Variants in ADCY3 observed in about 807,000 individuals in gnomAD.
ADCY3 encodes adenylate cyclase type 3.
In ADCY3, 70 loss-of-function variants were observed where a neutral mutation model predicts 119.4. That is an observed-to-expected ratio of 0.59 (90% CI 0.48 to 0.72). The LOEUF is 0.72. ADCY3 is among the 30% of genes least tolerant of loss of function. The probability of loss-of-function intolerance (pLI) is 0.00; values close to 1 mark genes in which losing one functional copy is unlikely to be tolerated. For missense variants in ADCY3, 1,238 were observed against 1,541.6 expected, an observed-to-expected ratio of 0.80 and a Z score of 3.30; for synonymous variants, 672 against 621.4, an observed-to-expected ratio of 1.08 and a Z score of -1.21.
At chr2:24,910,627 T>C (rs1300944961) in intron 2 of ADCY3, among the ~76,000 whole-genome samples, 1 of 152,006 alleles carries the variant, frequency 6.6e-6, no homozygotes, top group Non-Finnish European at 1.5e-5. Context: ...CACTTTATGC[T>C]AAATGCAATT....
At chr2:24,853,033 T>G (rs941335624) in intron 3 of ADCY3, among the ~76,000 whole-genome samples, 5 of 135,468 alleles carry the variant, frequency 3.7e-5, no homozygotes, top group South Asian at 2.5e-4. Context: ...TGTGTGTGTG[T>G]GTGTGTGTGT....
At chr2:24,894,995 CT>C (rs367997299) in intron 2 of ADCY3, among the ~76,000 whole-genome samples, 24 of 151,746 alleles carry the variant, frequency 1.6e-4, no homozygotes, top group African/African-American at 4.4e-4. Flanking sequence ...TGTCGTGTGT[CT>C]TTTTTTTCCT....
intron 2 of ADCY3, among the ~76,000 whole-genome samples, chr2:24,907,267 G>A (rs74645677): frequency 0.027 from 4,100 of 150,820 alleles, 163 homozygotes; most frequent in African/African-American, 0.091. Flanking sequence ...TCCACTACCA[G>A]ATCTGACTCA....
chr2:24,856,028 G>A (rs1672953448), intron 3 of ADCY3, among the ~76,000 whole-genome samples: 2 of 152,226 alleles, frequency 1.3e-5, no homozygotes, highest in South Asian at 4.1e-4. Flanking sequence ...GCATTCAGGA[G>A]TTAATTACAG....
At chr2:24,822,310 G>C (rs555425918) in intron 19 of ADCY3, 44 of 668,392 alleles carry the variant, frequency 6.6e-5, no homozygotes, top group Non-Finnish European at 9.8e-5. Context: ...GAACAGCAGG[G>C]GGTTGTGTGT....
intron 17 of ADCY3, among the ~76,000 whole-genome samples, chr2:24,823,942 G>A (rs911112568): frequency 6.6e-6 from 1 of 152,170 alleles, no homozygotes; most frequent in African/African-American, 2.4e-5. Context: ...TGATCCACCC[G>A]CCTCGGCCTC....
chr2:24,867,578 C>G lies in ADCY3; in HGVS notation c.825+4992G>C, dbSNP rs1344838. ...TATAAATTACCCAGTTTCAGGTATT[C>G]TGTTGTAGCAGCACAAAACGGATGA... is the stretch of plus-strand genomic sequence containing the variant. On this transcript the variant is annotated intron_variant, in intron 3 of 21. Transcript: ENST00000679454. Among the ~76,000 whole-genome samples, 1,377 of 152,274 alleles carry G rather than the reference C, an allele frequency of 9.0e-3. 14 individuals carry two copies. Among genetic ancestry groups the G allele is most frequent in the African/African-American group, 0.031 (1,270 of 41,540 alleles).
In ADCY3 at chr2:24,899,204, C is replaced by T. The variant is rs913454479; in HGVS notation, c.675+19109G>A. On this transcript the variant is annotated intron_variant, in intron 2 of 21. Transcript: ENST00000679454. This position sits in a 1 kb window ranked among gnomAD's most constrained non-coding sequence, Gnocchi z 4.5. ...AGGCCCAGGGAGGTCAGCTGCGCTGCCCAGGGCCCCAGGCATCCAACTCTG... is the reference window on the plus strand; with the variant it reads ...AGGCCCAGGGAGGTCAGCTGCGCTGTCCAGGGCCCCAGGCATCCAACTCTG... Among the ~76,000 whole-genome samples, 1 of 152,214 alleles carries T rather than the reference C, an allele frequency of 6.6e-6. No homozygotes were observed. The highest frequency in any genetic ancestry group is 6.5e-5 in the Admixed American group (1 of 15,288).
At chr2:24,900,490 A>G (rs1678780704) in intron 2 of ADCY3, among the ~76,000 whole-genome samples, 1 of 152,136 alleles carries the variant, frequency 6.6e-6, no homozygotes, top group African/African-American at 2.4e-5. Flanking sequence ...CAGAATTTCT[A>G]CCTGCAGTGT....
intron 2 of ADCY3, among the ~76,000 whole-genome samples, chr2:24,913,948 G>A (rs908335981): frequency 4.6e-5 from 7 of 152,070 alleles, no homozygotes; most frequent in African/African-American, 1.7e-4. Flanking sequence ...AATGCTAAAG[G>A]CACGCCCCGC....
intron 3 of ADCY3, among the ~76,000 whole-genome samples, chr2:24,860,394 G>A (rs1376384006): frequency 3.3e-5 from 5 of 152,224 alleles, no homozygotes; most frequent in East Asian, 1.9e-4. Flanking sequence ...TGGCGGCCCC[G>A]CACCACAGGG....
chr2:24,859,754 C>T (rs750654707), intron 3 of ADCY3, among the ~76,000 whole-genome samples: 2 of 152,144 alleles, frequency 1.3e-5, no homozygotes, highest in African/African-American at 4.8e-5. Context: ...AACAGGTGAC[C>T]CTGCACGTGG....
chr2:24,918,195 C>G lies in ADCY3; in HGVS notation c.675+118G>C. 1 of 1,158,094 alleles carries G rather than the reference C, an allele frequency of 8.6e-7. No individual in the cohort carries two copies. Among genetic ancestry groups the G allele is most frequent in the Non-Finnish European group, 1.2e-6 (1 of 823,276 alleles). 71.7% of individuals were successfully genotyped at this position (1,158,094 alleles called of 1,614,324 possible). A position where few individuals can be genotyped will look rare whatever the true frequency, so the allele number is the denominator to read the frequency against. ...GGACTAGGGAGAGAGGTGAGAGCCC[C>G]GGAGGCCCCCAGGACACATTTTGAC... On this transcript the variant is annotated intron_variant, in intron 2 of 21. Transcript: ENST00000679454. This position sits in a 1 kb window ranked among gnomAD's most constrained non-coding sequence, Gnocchi z 5.4.
Position 24,878,845 on chromosome 2 carries a change from C to T in ADCY3, c.676-6126G>A, listed in dbSNP as rs1022959668. 6.6e-6 allele frequency among the ~76,000 whole-genome samples: 1 copy of T among 152,192 alleles called. No homozygotes were observed. The highest frequency in any genetic ancestry group is 1.9e-4 in the East Asian group (1 of 5,180). ...ACCCCTCAGAGGCCTTCCCTGCCCA[C>T]CCCTACTCATTCTCCAGTCCTGCTT... On this transcript the variant is annotated intron_variant, in intron 2 of 21. Transcript: ENST00000679454. The surrounding 1 kb of genome is among the most constrained non-coding windows in gnomAD (Gnocchi z 4.0).
chr2:24,849,489 T>C (rs1672044658), intron 3 of ADCY3, among the ~76,000 whole-genome samples: 1 of 152,202 alleles, frequency 6.6e-6, no homozygotes, highest in South Asian at 2.1e-4. Flanking sequence ...TCCATTTTTT[T>C]CCCTTATATA....
intron 3 of ADCY3, among the ~76,000 whole-genome samples, chr2:24,851,937 G>A (rs896823454): frequency 5.9e-5 from 9 of 152,168 alleles, no homozygotes; most frequent in African/African-American, 2.2e-4. Flanking sequence ...TCAGAGAGAT[G>A]GATTGGAGAC....
rs776921702 is a variant in ADCY3, at chr2:24,834,476, C to T, written c.1967+9G>A. ...GGAAACTCGTGGCCCTCCCCGGCCC[C>T]TCCCTCACCAGGGGTCGATGAGTAT... On this transcript the variant is annotated intron_variant, in intron 11 of 21. Coordinates refer to ENST00000679454, the MANE Select transcript of ADCY3 (RefSeq NM_004036.5). The surrounding 1 kb of genome is among the most constrained non-coding windows in gnomAD (Gnocchi z 4.2). The T allele has an allele frequency of 1.3e-6, 2 of 1,595,798 alleles. No homozygotes were observed. Among genetic ancestry groups the T allele is most frequent in the African/African-American group, 2.7e-5 (2 of 74,562 alleles).
At chr2:24,822,346 CT>C in intron 19 of ADCY3, 164 bp downstream of exon 19, 1 of 1,024,150 alleles carries the variant, frequency 9.8e-7, no homozygotes, top group South Asian at 1.6e-5. Flanking sequence ...GCTTGCCGAA[CT>C]TTCTCAATAA....
intron 2 of ADCY3, among the ~76,000 whole-genome samples, chr2:24,876,564 AG>A (rs1162639379): frequency 6.6e-6 from 1 of 152,210 alleles, no homozygotes; most frequent in African/African-American, 2.4e-5. Context: ...GTCTGTAAAA[AG>A]TAAGTTTCAC....
Sources: gnomAD v4.1 joint callset for allele counts (sites outside exome capture counted in the v4.1 genomes callset) on GRCh38, gnomAD v4.1.1 for gene constraint, Gnocchi (gnomAD v3.1) non-coding constraint, MANE v1.5 for transcripts, NCBI Gene and HGNC (gene_info 2026-07-23, HGNC 2026-07-21) for gene names.